SLC22A3: variants seen among roughly 807,000 people sequenced by gnomAD.
The protein encoded by SLC22A3 is solute carrier family 22 member 3.
SLC22A3 carries 51 observed loss-of-function variants against 59.1 expected under a neutral mutation model. The ratio of observed to expected loss-of-function variants is 0.86; its 90% CI spans 0.69 to 1.09. The LOEUF (loss-of-function observed/expected upper bound fraction) is 1.09. SLC22A3 is among the 50% of genes least tolerant of loss of function. The pLI, the probability that SLC22A3 is intolerant of heterozygous loss-of-function variation, is 0.00. For missense variants in SLC22A3, 711 were observed against 726.3 expected (o/e 0.98, Z 0.24); for synonymous variants, 325 against 292.0 (o/e 1.11, Z -1.15).
At chr6:160,396,226 C>A (rs1786464867) in intron 1 of SLC22A3, among the ~76,000 whole-genome samples, 1 of 152,062 alleles carries the variant, frequency 6.6e-6, no homozygotes. Flanking sequence ...ATCTTCAGGG[C>A]AACAAACAAT....
chr6:160,410,320 A>G (rs1787194838), intron 4 of SLC22A3, among the ~76,000 whole-genome samples: 1 of 152,350 alleles, frequency 6.6e-6, no homozygotes, highest in South Asian at 2.1e-4. Context: ...CCCAGCCAGC[A>G]TTTGATTTTT....
intron 1 of SLC22A3, among the ~76,000 whole-genome samples, chr6:160,384,221 A>G (rs1024473980): frequency 1.3e-5 from 2 of 152,162 alleles, no homozygotes; most frequent in African/African-American, 2.4e-5. Flanking sequence ...CTCAAATACT[A>G]TATCATTTTA....
At chr6:160,390,997 T>C (rs1786233622) in intron 1 of SLC22A3, among the ~76,000 whole-genome samples, 1 of 152,170 alleles carries the variant, frequency 6.6e-6, no homozygotes. Context: ...CCAATCTCTG[T>C]CTCTGGCTTC....
chr6:160,391,760 G>T (rs901914436), intron 1 of SLC22A3, among the ~76,000 whole-genome samples: 1 of 152,204 alleles, frequency 6.6e-6, no homozygotes, highest in Non-Finnish European at 1.5e-5. Flanking sequence ...AGAGAGAGGG[G>T]CTGACGTATC....
rs377738242 is a variant in SLC22A3, at chr6:160,437,034, C to A, written c.1111C>A (p.Arg371Ser). The change falls in exon 7 of 11, where the codon CGC becomes AGC. Residue 371 changes from arginine to serine, a missense_variant. Transcript: ENST00000275300. ...SAVVYQGLVM[R>S]LGIIGGNLYI... ...AGTGGTGTATCAAGGACTTGTCATG[C>A]GCCTGGGAATTATAGGGGGCAACCT... 72 of 1,613,972 alleles carry A rather than the reference C, an allele frequency of 4.5e-5. No homozygotes were observed. Among genetic ancestry groups the A allele is most frequent in the Non-Finnish European group, 5.6e-5 (66 of 1,180,006 alleles).
At position 160,397,982 on chromosome 6, in the gene SLC22A3, G is replaced by T. The variant is rs765607572; in HGVS notation, c.433G>T (p.Asp145Tyr). The T allele has an allele frequency of 2.5e-6, 4 of 1,612,464 alleles. No individual in the cohort carries two copies. Among genetic ancestry groups the T allele is most frequent in the South Asian group, 1.1e-5 (1 of 91,002 alleles). Residue 145 changes from aspartate (D) to tyrosine (Y), a missense_variant, in exon 2 of 11, where the codon GAC becomes TAC. By Grantham distance (160) the Asp-to-Tyr change is radical. Coordinates refer to ENST00000275300, the MANE Select transcript of SLC22A3 (RefSeq NM_021977.4). ...TGTGTTTTCTTTGTTTTCTCAGTTT[G>T]ACCTTGTCTGTGTCAATGCGTGGAT... ...QAHSTIVSEF[D>Y]LVCVNAWMLD... is the part of the protein sequence containing the mutation.
intron 1 of SLC22A3, among the ~76,000 whole-genome samples, chr6:160,395,490 G>T (rs1021646383): frequency 2.0e-5 from 3 of 152,092 alleles, no homozygotes; most frequent in African/African-American, 7.2e-5. Context: ...CATTTCCGCT[G>T]GTAGTTTGAT....
intron 1 of SLC22A3, among the ~76,000 whole-genome samples, chr6:160,353,408 C>T (rs1275359778): frequency 6.6e-6 from 1 of 152,136 alleles, no homozygotes; most frequent in Non-Finnish European, 1.5e-5. Context: ...CAAAGATACA[C>T]GAGTCTTTCT....
At chr6:160,435,798 C>T (rs761177972) in intron 5 of SLC22A3, among the ~76,000 whole-genome samples, 43 of 152,076 alleles carry the variant, frequency 2.8e-4, no homozygotes, top group Non-Finnish European at 1.2e-4. Context: ...AAACCCAGGA[C>T]GACACTGAGG....
At chr6:160,403,262 A>G (rs1159578657) in intron 2 of SLC22A3, among the ~76,000 whole-genome samples, 2 of 151,840 alleles carry the variant, frequency 1.3e-5, no homozygotes, top group South Asian at 2.1e-4. Context: ...AAGAAATACT[A>G]TGAACACTCT....
At chr6:160,428,094 C>T (rs1015356131) in intron 5 of SLC22A3, among the ~76,000 whole-genome samples, 1 of 148,082 alleles carries the variant, frequency 6.8e-6, no homozygotes, top group Admixed American at 6.8e-5. Flanking sequence ...CCCACCCACA[C>T]ACACAAACAA....
At chr6:160,441,057 G>A (rs184524024) in intron 7 of SLC22A3, among the ~76,000 whole-genome samples, 10 of 152,104 alleles carry the variant, frequency 6.6e-5, no homozygotes, top group Admixed American at 2.0e-4. Context: ...TGAATTTGTC[G>A]GTGGGACTCA....
chr6:160,405,011 C>T (rs894492735), intron 2 of SLC22A3, among the ~76,000 whole-genome samples: 1 of 151,576 alleles, frequency 6.6e-6, no homozygotes, highest in Admixed American at 6.6e-5. Context: ...AGATACAACA[C>T]CAAAAGCATA....
chr6:160,378,068 C>A (rs368009207), intron 1 of SLC22A3, among the ~76,000 whole-genome samples: 1 of 152,126 alleles, frequency 6.6e-6, no homozygotes, highest in East Asian at 1.9e-4. Flanking sequence ...AATATCAGAA[C>A]AAGAAAGCCC....
At position 160,348,450 on chromosome 6, in the gene SLC22A3, G is replaced by A. The variant is rs758296207; in HGVS notation, c.31G>A (p.Val11Met). The A allele has an allele frequency of 1.3e-6, 2 of 1,530,854 alleles. No homozygotes were observed. The highest frequency in any genetic ancestry group is 1.9e-5 in the Admixed American group (1 of 52,238). 94.8% of individuals were successfully genotyped at this position (1,530,854 alleles called of 1,614,324 possible). ...CTCCTTCGACGAGGCGCTGCAGCGG[G>A]TGGGCGAGTTCGGGCGCTTCCAGAG... Reference protein sequence around the residue: MPSFDEALQRVGEFGRFQRRV... With the variant: MPSFDEALQRMGEFGRFQRRV... Residue 11 changes from valine to methionine, a missense_variant, in exon 1 of 11, where the codon GTG (valine) becomes ATG (methionine). Val to Met is a conservative substitution (Grantham distance 21, BLOSUM62 1). Transcript: ENST00000275300.
chr6:160,416,957 A>G (rs1174038173), intron 5 of SLC22A3, among the ~76,000 whole-genome samples: 1 of 152,222 alleles, frequency 6.6e-6, no homozygotes, highest in Non-Finnish European at 1.5e-5. Context: ...GACTTGGTCT[A>G]TTGGTGAGTA....
At chr6:160,388,625 T>G (rs1003246399) in intron 1 of SLC22A3, among the ~76,000 whole-genome samples, 2 of 152,256 alleles carry the variant, frequency 1.3e-5, no homozygotes, top group African/African-American at 2.4e-5. Flanking sequence ...TTCTATAAAA[T>G]GCTCATAGAA....
At chr6:160,436,224 T>A (rs1788329757) in intron 5 of SLC22A3, among the ~76,000 whole-genome samples, 1 of 152,154 alleles carries the variant, frequency 6.6e-6, no homozygotes, top group African/African-American at 2.4e-5. Context: ...CAGTGTTTTG[T>A]ATGTAGTTGG....
At chr6:160,362,953 G>A (rs1785069828) in intron 1 of SLC22A3, among the ~76,000 whole-genome samples, 1 of 152,108 alleles carries the variant, frequency 6.6e-6, no homozygotes, top group South Asian at 2.1e-4. Flanking sequence ...TTCCTGCCAG[G>A]GTCTCCTTTG....
Sources: gnomAD v4.1 joint callset for allele counts (sites outside exome capture counted in the v4.1 genomes callset) on GRCh38, gnomAD v4.1.1 for gene constraint, MANE v1.5 for transcripts, NCBI Gene and HGNC (gene_info 2026-07-23, HGNC 2026-07-21) for gene names.